The following PKIA variants were observed in gnomAD, a reference collection of about 807,000 sequenced individuals.
PKIA encodes the protein cAMP-dependent protein kinase inhibitor alpha.
Under a neutral mutation model 7.6 loss-of-function variants are expected in PKIA, and 4 were observed. The observed-to-expected ratio is 0.52, with a 90% CI of 0.26 to 1.20. The LOEUF (loss-of-function observed/expected upper bound fraction) is 1.20. Among genes scored for constraint, PKIA ranks in the 50% most tolerant of loss-of-function variants. The pLI is 0.13. For missense variants in PKIA, 73 were observed against 86.2 expected (o/e 0.85, Z 0.61); for synonymous variants, 21 against 30.7 (o/e 0.68, Z 1.04).
intron 1 of PKIA, among the ~76,000 whole-genome samples, chr8:78,569,438 T>C (rs1253542098): frequency 2.0e-5 from 3 of 152,162 alleles, no homozygotes; most frequent in Non-Finnish European, 4.4e-5. Flanking sequence ...AGCGTCCCTC[T>C]GTTGCCAGTA....
intron 1 of PKIA, among the ~76,000 whole-genome samples, chr8:78,533,180 C>T (rs1476009155): frequency 1.3e-5 from 2 of 152,102 alleles, no homozygotes; most frequent in East Asian, 1.9e-4. Context: ...TTCTCAACAT[C>T]TTCCTTTACA....
chr8:78,519,230 G>A lies in PKIA; in HGVS notation c.-157+2762G>A, dbSNP rs183913710. Among the ~76,000 whole-genome samples the A allele has an allele frequency of 2.0e-5, 3 of 151,158 alleles. No individual in the cohort carries two copies. In the East Asian group the frequency reaches 5.9e-4, roughly 30 times the overall value. On this transcript the variant is annotated intron_variant, in intron 1 of 3. Transcript: ENST00000396418. The stretch of plus-strand genomic sequence containing the variant: ...GCTAGACAGTGTTACCAGATATTTA[G>A]AGAGTAAAAATTTAGGAGTTAAAGT...
At chr8:78,565,846 T>C (rs1237327113) in intron 1 of PKIA, among the ~76,000 whole-genome samples, 16 of 151,964 alleles carry the variant, frequency 1.1e-4, no homozygotes, top group Non-Finnish European at 5.9e-5. Context: ...CATAAGGAAA[T>C]ACAATTTCCA....
At chr8:78,529,012 C>T (rs1806326971) in intron 1 of PKIA, among the ~76,000 whole-genome samples, 2 of 151,976 alleles carry the variant, frequency 1.3e-5, no homozygotes, top group African/African-American at 4.8e-5. Flanking sequence ...TTAAAGGTTA[C>T]TGGAGTTACT....
At chr8:78,556,644 A>G (rs929702375) in intron 1 of PKIA, 1 of 152,134 alleles carries the variant, frequency 6.6e-6, no homozygotes, top group Non-Finnish European at 1.5e-5. Flanking sequence ...AGACACAGTC[A>G]GCAATTCTTT....
chr8:78,600,413 C>G (rs1302283979), intron 3 of PKIA, among the ~76,000 whole-genome samples: 1 of 152,126 alleles, frequency 6.6e-6, no homozygotes, highest in East Asian at 1.9e-4. Context: ...ATGTTTTCAG[C>G]ATAATGCTAA....
chr8:78,548,559 G>A (rs917208503), intron 1 of PKIA, among the ~76,000 whole-genome samples: 1 of 152,074 alleles, frequency 6.6e-6, no homozygotes, highest in Admixed American at 6.6e-5. Flanking sequence ...ACCTCACGTA[G>A]ATCTAATAGC....
intron 1 of PKIA, among the ~76,000 whole-genome samples, chr8:78,538,223 T>C (rs569232433): frequency 1.3e-5 from 2 of 152,210 alleles, no homozygotes; most frequent in East Asian, 1.9e-4. Context: ...GTTTGCTATT[T>C]CTGGCATCAA....
intron 2 of PKIA, among the ~76,000 whole-genome samples, chr8:78,593,304 G>A (rs1013894878): frequency 6.6e-6 from 1 of 152,066 alleles, no homozygotes; most frequent in Non-Finnish European, 1.5e-5. Flanking sequence ...TGTATTTTTA[G>A]TAGAGACAAG....
chr8:78,565,807 A>G (rs145503476), intron 1 of PKIA, among the ~76,000 whole-genome samples: 1 of 152,044 alleles, frequency 6.6e-6, no homozygotes, highest in East Asian at 1.9e-4. Flanking sequence ...GTTATTATTT[A>G]GGTCTTCATT....
At chr8:78,536,461 G>C (rs925237183) in intron 1 of PKIA, among the ~76,000 whole-genome samples, 1 of 152,074 alleles carries the variant, frequency 6.6e-6, no homozygotes, top group African/African-American at 2.4e-5. Flanking sequence ...GAAAGAAAAA[G>C]AAGAGGAGTC....
intron 1 of PKIA, among the ~76,000 whole-genome samples, chr8:78,526,646 A>T (rs887588003): frequency 2.0e-5 from 3 of 151,978 alleles, no homozygotes; most frequent in African/African-American, 7.2e-5. Context: ...TTGGTCTGTG[A>T]TACATTTCTA....
chr8:78,604,434 C>CT lies in PKIA; in HGVS notation c.*2614dup, dbSNP rs1228071620. The CT allele has an allele frequency of 6.6e-6, 1 of 151,972 alleles. No homozygotes were observed. The highest frequency in any genetic ancestry group is 2.4e-5 in the African/African-American group (1 of 41,406). 9.4% of individuals were successfully genotyped at this position (151,972 alleles called of 1,614,324 possible). ...GCACATGTCATAAAATTAGAGCCAA[C>CT]TGCAGAGCTGTAAGGGAACTTTTAG... is the stretch of plus-strand genomic sequence containing the variant. On this transcript the variant is annotated 3_prime_UTR_variant, in exon 4 of 4. Transcript: ENST00000396418.
rs368530357 is a variant in PKIA, at chr8:78,524,024, T to TTATATATATAAA, written c.-157+7562_-157+7563insTATAAATATATA. Among the ~76,000 whole-genome samples, 3 of 83,576 alleles carry TTATATATATAAA rather than the reference T, an allele frequency of 3.6e-5. 1 individual carries two copies. Among genetic ancestry groups the TTATATATATAAA allele is most frequent in the African/African-American group, 1.3e-4 (2 of 15,744 alleles). 54.8% of individuals were successfully genotyped at this position (83,576 alleles called of 152,430 possible). On this transcript the variant is annotated intron_variant, in intron 1 of 3. Transcript: ENST00000396418. ...TTTATATATAAATATATATAAACGT[T>TTATATATATAAA]TATATAAACGTTTATATATATAAAT...
At chr8:78,540,799 T>C (rs1306207263) in intron 1 of PKIA, among the ~76,000 whole-genome samples, 1 of 151,940 alleles carries the variant, frequency 6.6e-6, no homozygotes, top group Non-Finnish European at 1.5e-5. Flanking sequence ...AAAATCTGTA[T>C]TACATATAAT....
intron 1 of PKIA, among the ~76,000 whole-genome samples, chr8:78,547,491 A>G (rs1252410414): frequency 1.3e-5 from 2 of 152,192 alleles, no homozygotes; most frequent in African/African-American, 4.8e-5. Context: ...TGACTTCTCT[A>G]TAATTAATTT....
chr8:78,546,675 AT>A (rs1398937610), intron 1 of PKIA, among the ~76,000 whole-genome samples: 2 of 152,152 alleles, frequency 1.3e-5, no homozygotes, highest in Non-Finnish European at 2.9e-5. Context: ...TTGGCACCTG[AT>A]TGTTTTTCAT....
At position 78,598,535 on chromosome 8, in the gene PKIA, G is replaced by C. The variant is rs1489322236; in HGVS notation, c.151G>C (p.Glu51Gln). 2 of 1,604,678 alleles carry C rather than the reference G, an allele frequency of 1.2e-6. No homozygotes were observed. The change falls in exon 3 of 4, where the codon GAA (glutamate) becomes CAA (glutamine). Residue 51 changes from glutamate (E) to glutamine (Q), a missense_variant and splice_region_variant. Physicochemically the swap from Glu to Gln is conservative, Grantham distance 29. Transcript: ENST00000396418. ...KLAGLDINKT[E>Q]GEEDAQRSST... ...AGCAGGTCTTGATATCAACAAGACA[G>C]GTAAGTCATCTGGCACACATTTCTC...
intron 1 of PKIA, chr8:78,535,029 T>C (rs889077479): frequency 6.6e-6 from 1 of 152,142 alleles, no homozygotes; most frequent in African/African-American, 2.4e-5. Flanking sequence ...TTTACTGCCA[T>C]GAGTTGAAAA....
Sources: allele counts gnomAD v4.1 joint callset (sites outside exome capture counted in the v4.1 genomes callset), GRCh38; gene constraint gnomAD v4.1.1; transcripts MANE v1.5; gene names NCBI Gene and HGNC (gene_info 2026-07-23, HGNC 2026-07-21).